PDE4D: variants seen among roughly 807,000 people sequenced by gnomAD.
The protein encoded by PDE4D is phosphodiesterase 4D, also known as 3',5'-cyclic-AMP phosphodiesterase 4D.
In PDE4D, 24 loss-of-function variants were observed where a neutral mutation model predicts 87.4. The observed-to-expected ratio is 0.27, with a 90% CI of 0.20 to 0.39. PDE4D has a LOEUF of 0.39. Ranked by LOEUF, PDE4D falls within the 10% of genes least tolerant of loss-of-function variation. PDE4D has a pLI of 1.00. For synonymous variants in PDE4D, 384 were observed against 383.2 expected, an observed-to-expected ratio of 1.00 and a Z score of -0.02; for missense variants, 714 against 1,041.0, an observed-to-expected ratio of 0.69 and a Z score of 4.32.
intron 3 of PDE4D, among the ~76,000 whole-genome samples, chr5:59,939,499 A>T (rs954125377): frequency 6.6e-6 from 1 of 152,166 alleles, no homozygotes; most frequent in Non-Finnish European, 1.5e-5. Context: ...AATAAATACA[A>T]ATTTTAAACC....
chr5:59,988,576 T>G (rs754113368), exon 3 of PDE4D: 1 of 1,599,316 alleles, frequency 6.3e-7, no homozygotes, highest in Non-Finnish European at 8.5e-7. Flanking sequence ...GATTCACTTT[T>G]CAAGTCAGCT....
intron 1 of PDE4D, among the ~76,000 whole-genome samples, chr5:60,336,240 G>A (rs551303469): frequency 6.0e-4 from 92 of 152,270 alleles, no homozygotes; most frequent in Non-Finnish European, 1.1e-3. Flanking sequence ...AACCCACTTG[G>A]AAGTTTCTTT....
chr5:59,335,904 C>G (rs1391778745), intron 1 of PDE4D, among the ~76,000 whole-genome samples: 1 of 152,244 alleles, frequency 6.6e-6, no homozygotes, highest in South Asian at 2.1e-4. Context: ...ATTTTCCCAT[C>G]TTTGTAATTT....
At chr5:60,283,402 TTC>T (rs1266889159) in intron 1 of PDE4D, among the ~76,000 whole-genome samples, 1 of 152,200 alleles carries the variant, frequency 6.6e-6, no homozygotes, top group African/African-American at 2.4e-5. Flanking sequence ...GTAAATTATG[TTC>T]TTAGTTTCAT....
chr5:59,967,645 G>C (rs559404195), intron 3 of PDE4D, among the ~76,000 whole-genome samples: 1 of 152,196 alleles, frequency 6.6e-6, no homozygotes, highest in South Asian at 2.1e-4. Context: ...TACACCATTG[G>C]TGGGAATGTA....
chr5:60,512,148 T>C (rs1750605496), intron 1 of PDE4D, among the ~76,000 whole-genome samples: 1 of 152,138 alleles, frequency 6.6e-6, no homozygotes, highest in African/African-American at 2.4e-5. Context: ...GAGAAAGATA[T>C]AAAATAATAT....
intron 6 of PDE4D, among the ~76,000 whole-genome samples, chr5:59,030,534 T>C (rs1419010539): frequency 1.3e-5 from 2 of 150,294 alleles, no homozygotes; most frequent in African/African-American, 2.4e-5. Context: ...AGGCCAGGAA[T>C]TCTAGACAAG....
chr5:60,039,805 C>A (rs1768257743), intron 2 of PDE4D, among the ~76,000 whole-genome samples: 1 of 152,108 alleles, frequency 6.6e-6, no homozygotes, highest in African/African-American at 2.4e-5. Context: ...ATTGTAATAG[C>A]CACCATCAGG....
intron 3 of PDE4D, among the ~76,000 whole-genome samples, chr5:59,964,728 T>C (rs899705125): frequency 2.0e-5 from 3 of 152,156 alleles, no homozygotes; most frequent in Non-Finnish European, 4.4e-5. Context: ...ACAGAAACTC[T>C]TGTTGCACTC....
intron 1 of PDE4D, among the ~76,000 whole-genome samples, chr5:59,504,945 C>A (rs548712240): frequency 0.014 from 1,937 of 142,058 alleles, 35 homozygotes; most frequent in African/African-American, 0.048. Context: ...TGTGTGCGTG[C>A]GCGTGTGTTT....
chr5:60,439,254 C>G (rs1411842087), intron 1 of PDE4D, among the ~76,000 whole-genome samples: 2 of 150,446 alleles, frequency 1.3e-5, no homozygotes, highest in Non-Finnish European at 3.0e-5. Flanking sequence ...ATGTTTTTTA[C>G]AGGATAATAG....
intron 1 of PDE4D, among the ~76,000 whole-genome samples, chr5:59,522,571 A>G (rs753609982): frequency 2.0e-5 from 3 of 152,230 alleles, no homozygotes; most frequent in Non-Finnish European, 4.4e-5. Flanking sequence ...CAAAGCTACA[A>G]TTTGAGAAGA....
At chr5:60,403,440 T>A (rs533841585) in intron 1 of PDE4D, among the ~76,000 whole-genome samples, 1 of 152,322 alleles carries the variant, frequency 6.6e-6, no homozygotes, top group Admixed American at 6.5e-5. Context: ...CACCCTTCCA[T>A]CCACCTATCT....
At chr5:59,215,116 T>C (rs1299883042) in intron 2 of PDE4D, among the ~76,000 whole-genome samples, 1 of 152,148 alleles carries the variant, frequency 6.6e-6, no homozygotes, top group African/African-American at 2.4e-5. Flanking sequence ...AAGAATGAAA[T>C]GCACTGAGAA....
intron 1 of PDE4D, among the ~76,000 whole-genome samples, chr5:59,849,313 A>G (rs1004992443): frequency 6.6e-6 from 1 of 152,042 alleles, no homozygotes; most frequent in African/African-American, 2.4e-5. Context: ...TTTATTTTAT[A>G]TGATTTTGAG....
chr5:59,092,492 A>T (rs907677090), intron 5 of PDE4D, among the ~76,000 whole-genome samples: 1 of 152,192 alleles, frequency 6.6e-6, no homozygotes, highest in African/African-American at 2.4e-5. Context: ...ATATTAATAA[A>T]TAGGTCAATT....
At chr5:60,435,268 A>G (rs552209712) in intron 1 of PDE4D, among the ~76,000 whole-genome samples, 11 of 152,210 alleles carry the variant, frequency 7.2e-5, no homozygotes, top group Middle Eastern at 6.8e-3. Flanking sequence ...CTTTGGCACA[A>G]AAAGCATTTT....
rs528513876 is a variant in PDE4D, at chr5:59,508,981, T to G, written c.456-293013A>C. 7.1e-4 allele frequency among the ~76,000 whole-genome samples: 108 copies of G among 151,986 alleles called. 1 individual carries two copies. Among genetic ancestry groups the G allele is most frequent in the Non-Finnish European group, 1.5e-4 (10 of 67,872 alleles). On this transcript the variant is annotated intron_variant, in intron 1 of 14. Coordinates refer to ENST00000340635, the MANE Select transcript of PDE4D (RefSeq NM_001104631.2). The stretch of plus-strand genomic sequence containing the variant: ...TAAGTCTTACTAGGGTTGGGATAGA[T>G]TAAAAGGAATGGCAACGAGGCAATA...
intron 1 of PDE4D, among the ~76,000 whole-genome samples, chr5:59,489,290 A>G (rs1805760457): frequency 6.6e-6 from 1 of 151,640 alleles, no homozygotes; most frequent in African/African-American, 2.4e-5. Flanking sequence ...AAAAACAAAA[A>G]AAAACATTGT....
Sources: gnomAD v4.1 joint callset for allele counts (sites outside exome capture counted in the v4.1 genomes callset) on GRCh38, gnomAD v4.1.1 for gene constraint, MANE v1.5 for transcripts, NCBI Gene and HGNC (gene_info 2026-07-23, HGNC 2026-07-21) for gene names.